RGS6: variants seen among roughly 807,000 people sequenced by gnomAD.
The protein encoded by RGS6 is regulator of G protein signaling 6, also known as regulator of G-protein signaling 6.
Under a neutral mutation model 78.5 loss-of-function variants are expected in RGS6, and 30 were observed. The observed-to-expected ratio is 0.38, with a 90% confidence interval of 0.29 to 0.52. The LOEUF is 0.52. RGS6 is among the 20% of genes least tolerant of loss of function. The pLI is 0.85. For synonymous variants in RGS6, 206 were observed against 206.0 expected (o/e 1.00, Z 0.00); for missense variants, 495 against 609.7 (o/e 0.81, Z 1.98).
At chr14:72,496,211 G>A (rs2096642949) in intron 13 of RGS6, among the ~76,000 whole-genome samples, 2 of 109,034 alleles carry the variant, frequency 1.8e-5, no homozygotes, top group Non-Finnish European at 3.6e-5. Flanking sequence ...TTTGTTTATA[G>A]TCTAATGCTG....
intron 2 of RGS6, among the ~76,000 whole-genome samples, chr14:72,281,639 G>A (rs1429018534): frequency 6.6e-6 from 1 of 152,204 alleles, no homozygotes; most frequent in Non-Finnish European, 1.5e-5. Context: ...TCTGTGAGGA[G>A]ACTATTGAGA....
chr14:72,050,821 T>A (rs1044329123), intron 2 of RGS6, among the ~76,000 whole-genome samples: 16 of 152,148 alleles, frequency 1.1e-4, no homozygotes, highest in South Asian at 4.1e-4. Context: ...TTTGCGCATA[T>A]GCAGATTCTG....
intron 2 of RGS6, among the ~76,000 whole-genome samples, chr14:72,210,608 G>A (rs909459484): frequency 1.3e-5 from 2 of 152,154 alleles, no homozygotes; most frequent in Admixed American, 1.3e-4. Context: ...TTGCGGGGAT[G>A]GGAGGTAGCA....
chr14:71,977,814 C>T (rs949751941), intron 2 of RGS6, among the ~76,000 whole-genome samples: 1 of 151,968 alleles, frequency 6.6e-6, no homozygotes, highest in Non-Finnish European at 1.5e-5. Context: ...GCATTGGTAG[C>T]TTGATGGGGA....
chr14:71,969,202 AT>A (rs985013146), intron 2 of RGS6, among the ~76,000 whole-genome samples: 1 of 152,012 alleles, frequency 6.6e-6, no homozygotes, highest in African/African-American at 2.4e-5. Context: ...TATGTGCCAC[AT>A]TTTCTTAATC....
chr14:71,922,839 A>T, the RGS6 span, among the ~76,000 whole-genome samples: 1 of 150,038 alleles, frequency 6.7e-6, no homozygotes, highest in Non-Finnish European at 1.5e-5. Context: ...AGTAAATGTG[A>T]TGGGAAGACA....
At chr14:72,509,300 G>T (rs1361800767) in intron 13 of RGS6, among the ~76,000 whole-genome samples, 2 of 151,628 alleles carry the variant, frequency 1.3e-5, no homozygotes, top group African/African-American at 4.9e-5. Flanking sequence ...GGCGGGCAGA[G>T]GTTGCAGTGA....
chr14:72,575,487 T>A, the RGS6 span, among the ~76,000 whole-genome samples: 1 of 152,128 alleles, frequency 6.6e-6, no homozygotes, highest in Non-Finnish European at 1.5e-5. Flanking sequence ...GGAGATGGGC[T>A]CTTGGACAGA....
At chr14:72,186,805 T>C (rs1037678452) in intron 2 of RGS6, among the ~76,000 whole-genome samples, 1 of 152,170 alleles carries the variant, frequency 6.6e-6, no homozygotes, top group Admixed American at 6.5e-5. Context: ...GCCGAATACA[T>C]GTGTCCCAGC....
At chr14:72,596,785 GA>G in the RGS6 span, among the ~76,000 whole-genome samples, 3,324 of 152,286 alleles carry the variant, frequency 0.022, 53 homozygotes, top group Middle Eastern at 0.061. Context: ...CTGTTAAACA[GA>G]AGTTATTATT....
intron 2 of RGS6, among the ~76,000 whole-genome samples, chr14:72,003,883 C>T (rs757016465): frequency 2.6e-5 from 4 of 152,200 alleles, no homozygotes; most frequent in South Asian, 2.1e-4. Context: ...GCTCCCAGGA[C>T]GGCGCATGAG....
chr14:72,510,378 G>C (rs2096863940), intron 14 of RGS6, 99 bp downstream of exon 14: 1 of 1,477,644 alleles, frequency 6.8e-7, no homozygotes, highest in Non-Finnish European at 9.3e-7. Context: ...ACGTTATCAG[G>C]GTTCAAATTC....
At chr14:71,882,879 T>C in the RGS6 span, among the ~76,000 whole-genome samples, 1 of 152,184 alleles carries the variant, frequency 6.6e-6, no homozygotes, top group Admixed American at 6.5e-5. Context: ...ACCTACCAGA[T>C]GTTTCCCCTA....
chr14:71,963,068 T>G (rs998844021), intron 1 of RGS6, among the ~76,000 whole-genome samples: 9 of 152,204 alleles, frequency 5.9e-5, no homozygotes, highest in African/African-American at 9.6e-5. Context: ...TATTTGACCC[T>G]TACCTGCGGG....
chr14:72,308,267 C>G (rs534445861), intron 2 of RGS6, among the ~76,000 whole-genome samples: 1 of 152,090 alleles, frequency 6.6e-6, no homozygotes, highest in African/African-American at 2.4e-5. Context: ...GTTCCCCTAC[C>G]GCAAATATTG....
Position 72,317,973 on chromosome 14 carries a change from A to G in RGS6, c.85-34122A>G, listed in dbSNP as rs74666266. ...AAAGACAAAAACAGAAGTTATTTAC[A>G]ATAGTTTTTGCTCAAATAATTCAGT... On this transcript the variant is annotated intron_variant, in intron 2 of 17. Coordinates refer to ENST00000553525, the MANE Select transcript of RGS6 (RefSeq NM_001204424.2). Among the ~76,000 whole-genome samples the G allele has an allele frequency of 8.9e-3, 1,358 of 152,316 alleles. 10 individuals carry two copies. The highest frequency in any genetic ancestry group is 0.023 in the South Asian group (113 of 4,826).
chr14:72,420,910 C>T (rs2094140021), intron 3 of RGS6: 1 of 152,162 alleles, frequency 6.6e-6, no homozygotes, highest in African/African-American at 2.4e-5. Flanking sequence ...CTGCAGAAGC[C>T]TTGTGGCTTT....
chr14:72,029,375 C>T (rs1400936058), intron 2 of RGS6, among the ~76,000 whole-genome samples: 1 of 152,224 alleles, frequency 6.6e-6, no homozygotes, highest in African/African-American at 2.4e-5. Context: ...ATGCATCAGA[C>T]TCTGTGTCCT....
rs544378918 is a variant in RGS6 at position 72,178,401 on chromosome 14, C to T, written c.85-173694C>T. 2.1e-3 allele frequency among the ~76,000 whole-genome samples: 316 copies of T among 152,340 alleles called. 1 individual carries two copies. The highest frequency in any genetic ancestry group is 7.1e-3 in the African/African-American group (293 of 41,560). On this transcript the variant is annotated intron_variant, in intron 2 of 17. Transcript: ENST00000553525. ...CTGATTCTGGCATATTACCAGAGGC[C>T]AGTCTTTCCTGATCTCCTCCTATCC...
Sources: gnomAD v4.1 joint callset for allele counts (sites outside exome capture counted in the v4.1 genomes callset) on GRCh38, gnomAD v4.1.1 for gene constraint, MANE v1.5 for transcripts, NCBI Gene and HGNC (gene_info 2026-07-23, HGNC 2026-07-21) for gene names.